The following ERCC4 variants were observed in gnomAD, a reference collection of about 807,000 sequenced individuals.
The protein encoded by ERCC4 is ERCC excision repair 4, endonuclease catalytic subunit, also known as DNA repair endonuclease XPF.
In ERCC4, 65 loss-of-function variants were observed where a neutral mutation model predicts 76.9. The observed-to-expected ratio is 0.84, with a 90% CI of 0.69 to 1.04. ERCC4 has a LOEUF of 1.04. Ranked by LOEUF, ERCC4 falls within the 50% of genes least tolerant of loss-of-function variation. The probability of loss-of-function intolerance (pLI) is 0.00; values close to 1 mark genes in which losing one functional copy is unlikely to be tolerated. For missense variants in ERCC4, 1,214 were observed against 1,128.2 expected (o/e 1.08, Z -1.09); for synonymous variants, 463 against 410.1 (o/e 1.13, Z -1.56).
chr16:13,922,120 A>G lies in ERCC4; in HGVS notation c.297A>G (p.Glu99=), dbSNP rs1460831993. 2 of 1,613,762 alleles carry G rather than the reference A, an allele frequency of 1.2e-6. No homozygotes were observed. The part of the protein sequence containing the change: ...TNEITSNSRY[E]VYTQGGVIFA... ...AAATCACAAGCAACAGTCGCTATGA[A>G]GTTTACACACAAGGTGGTGTTATAT... The change falls in exon 2 of 11, where the codon GAA becomes GAG. Residue 99 remains glutamate, a synonymous_variant. Transcript: ENST00000311895.
In ERCC4 at chr16:13,927,926, G is replaced by A. The variant is rs548457048; in HGVS notation, c.585-102G>A. On this transcript the variant is annotated intron_variant, in intron 3 of 10. Transcript: ENST00000311895. ...TCATTTGTTTGTTGTTTTGCTTTTC[G>A]TGTTGTTTGTAGCATTTATAAAAAT... The A allele has an allele frequency of 2.2e-4, 180 of 801,396 alleles. 1 individual carries two copies. The highest frequency in any genetic ancestry group is 1.0e-4 in the Non-Finnish European group (48 of 471,010). The allele number at this position is 801,396 out of a possible 1,614,324, so 49.6% of individuals were successfully genotyped here.
chr16:13,948,541 C>A lies in ERCC4; in HGVS notation c.*194C>A. The stretch of plus-strand genomic sequence containing the variant: ...CATCACTTGAACTTGCCTGTGCCTG[C>A]TCTTTTTCCTCCCTGCACCGTCTAT... On this transcript the variant is annotated 3_prime_UTR_variant, in exon 11 of 11. Coordinates refer to ENST00000311895, the MANE Select transcript of ERCC4 (RefSeq NM_005236.3). 1 of 636,150 alleles carries A rather than the reference C, an allele frequency of 1.6e-6. No individual in the cohort carries two copies. The highest frequency in any genetic ancestry group is 2.8e-5 in the Admixed American group (1 of 36,142). 39.4% of individuals were successfully genotyped at this position (636,150 alleles called of 1,614,324 possible).
Position 13,950,938 on chromosome 16 carries a change from C to G in ERCC4, c.*2591C>G, listed in dbSNP as rs2032618704. On this transcript the variant is annotated 3_prime_UTR_variant, in exon 11 of 11. Transcript: ENST00000311895. ...CCAGTGCCCCCCTGGCTCTCCAAATCTGTTCTTTGCTCTTGTATCTGCTGG... is the reference window on the plus strand; with the variant it reads ...CCAGTGCCCCCCTGGCTCTCCAAATGTGTTCTTTGCTCTTGTATCTGCTGG... 5.1e-6 allele frequency: 1 copy of G among 195,440 alleles called. No homozygotes were observed. The highest frequency in any genetic ancestry group is 1.1e-5 in the Non-Finnish European group (1 of 94,050). The allele number at this position is 195,440 out of a possible 1,614,324, so 12.1% of individuals were successfully genotyped here.
At chr16:13,937,975 C>T in intron 9 of ERCC4, 117 bp downstream of exon 9, 1 of 726,238 alleles carries the variant, frequency 1.4e-6, no homozygotes, top group Non-Finnish European at 2.5e-6. Flanking sequence ...GAGAGGATCA[C>T]ATTGAGATAA....
At chr16:13,922,364 C>T (rs912317139) in intron 2 of ERCC4, 153 bp downstream of exon 2, 4 of 760,992 alleles carry the variant, frequency 5.3e-6, no homozygotes, top group Admixed American at 3.5e-5. Flanking sequence ...CGTGGGGCAG[C>T]ACCCACAGGT....
intron 2 of ERCC4, among the ~76,000 whole-genome samples, chr16:13,924,404 A>G (rs759562944): frequency 2.0e-5 from 3 of 152,186 alleles, no homozygotes; most frequent in Non-Finnish European, 4.4e-5. Context: ...AGAACTAAGA[A>G]CACACTTTCT....
rs762697491 is a variant in ERCC4, at chr16:13,935,389, A to G, written c.1457A>G (p.Lys486Arg). Residue 486 changes from lysine (K) to arginine (R), a missense_variant, in exon 8 of 11, where the codon AAA becomes AGA. Coordinates refer to ENST00000311895, the MANE Select transcript of ERCC4 (RefSeq NM_005236.3). ...ERASTKERTL[K>R]KKKRKLTLTQ... Reference sequence around the variant, plus strand: ...GCTTCTACCAAAGAAAGAACCCTCAAAAAGAAAAAACGGAAGTTGACCTTA... The same window carrying G: ...GCTTCTACCAAAGAAAGAACCCTCAGAAAGAAAAAACGGAAGTTGACCTTA... 1.2e-6 allele frequency: 2 copies of G among 1,608,306 alleles called. No homozygotes were observed. Among genetic ancestry groups the G allele is most frequent in the East Asian group, 2.2e-5 (1 of 44,880 alleles).
chr16:13,941,046 G>T (rs2032403541), intron 9 of ERCC4, among the ~76,000 whole-genome samples: 1 of 152,198 alleles, frequency 6.6e-6, no homozygotes, highest in African/African-American at 2.4e-5. Flanking sequence ...TTAGTAGATA[G>T]TAGTAAGGTA....
chr16:13,922,265 A>G, intron 2 of ERCC4, 54 bp downstream of exon 2: 3 of 1,136,506 alleles, frequency 2.6e-6, no homozygotes, highest in Non-Finnish European at 3.9e-6. Context: ...TTTTTTTTTT[A>G]AGTACAATTT....
At position 13,948,560 on chromosome 16, in the gene ERCC4, C is replaced by CGTCTAT; in HGVS notation, c.*215_*220dup. ...TGCCTGCTCTTTTTCCTCCCTGCACCGTCTATGCCGGGCTTAGCATGTTTC... is the reference window on the plus strand; with the variant it reads ...TGCCTGCTCTTTTTCCTCCCTGCACCGTCTATGTCTATGCCGGGCTTAGCATGTTTC... On this transcript the variant is annotated 3_prime_UTR_variant, in exon 11 of 11. Coordinates refer to ENST00000311895, the MANE Select transcript of ERCC4 (RefSeq NM_005236.3). 2 of 588,264 alleles carry CGTCTAT rather than the reference C, an allele frequency of 3.4e-6. No individual in the cohort carries two copies. The highest frequency in any genetic ancestry group is 6.0e-6 in the Non-Finnish European group (2 of 332,594). 36.4% of individuals were successfully genotyped at this position (588,264 alleles called of 1,614,324 possible).
chr16:13,921,793 A>T (rs988625744), intron 1 of ERCC4, among the ~76,000 whole-genome samples: 1 of 152,156 alleles, frequency 6.6e-6, no homozygotes, highest in East Asian at 1.9e-4. Context: ...ATGTTATTGT[A>T]GTTGAGTGCT....
At chr16:13,937,008 C>G (rs1024061684) in intron 8 of ERCC4, among the ~76,000 whole-genome samples, 1 of 151,596 alleles carries the variant, frequency 6.6e-6, no homozygotes, top group African/African-American at 2.4e-5. Flanking sequence ...ACACCTCCCC[C>G]TTTCCCTGAC....
intron 10 of ERCC4, among the ~76,000 whole-genome samples, chr16:13,946,967 A>G (rs546945977): frequency 9.9e-5 from 15 of 152,162 alleles, no homozygotes; most frequent in African/African-American, 2.9e-4. Context: ...TCACCATGTT[A>G]GCCAGGATGG....
Position 13,952,097 on chromosome 16 carries a change from A to G in ERCC4, c.*3750A>G, listed in dbSNP as rs1391447109. 1.0e-5 allele frequency: 2 copies of G among 194,244 alleles called. No homozygotes were observed. The highest frequency in any genetic ancestry group is 1.6e-4 in the East Asian group (2 of 12,268). The allele number at this position is 194,244 out of a possible 1,614,324, so 12.0% of individuals were successfully genotyped here. On this transcript the variant is annotated 3_prime_UTR_variant, in exon 11 of 11. Coordinates refer to ENST00000311895, the MANE Select transcript of ERCC4 (RefSeq NM_005236.3). ...TTGTTTTTTTAATTTAAAGATGTAT[A>G]AGCCAAAATTTGGATGGGAGTGAGA...
Position 13,951,795 on chromosome 16 carries a change from A to T in ERCC4, c.*3448A>T, listed in dbSNP as rs2032633922. ...TCTTTCCTTTTGTTTTGCAAGCATAATTTGATTTTCCTTTGGCTCAGAAAA... is the reference window on the plus strand; with the variant it reads ...TCTTTCCTTTTGTTTTGCAAGCATATTTTGATTTTCCTTTGGCTCAGAAAA... On this transcript the variant is annotated 3_prime_UTR_variant, in exon 11 of 11. Transcript: ENST00000311895. 4.5e-6 allele frequency: 1 copy of T among 221,962 alleles called. No homozygotes were observed. Among genetic ancestry groups the T allele is most frequent in the Admixed American group, 5.8e-5 (1 of 17,360 alleles). The allele number at this position is 221,962 out of a possible 1,614,324, so 13.7% of individuals were successfully genotyped here.
intron 8 of ERCC4, among the ~76,000 whole-genome samples, chr16:13,937,083 C>T (rs1197502685): frequency 3.8e-5 from 4 of 105,224 alleles, no homozygotes; most frequent in Admixed American, 8.5e-5. Context: ...CCATGCTCAA[C>T]TAATTTTTTT....
chr16:13,944,227 T>G (rs2141616545), intron 9 of ERCC4: 1 of 156,884 alleles, frequency 6.4e-6, no homozygotes, highest in African/African-American at 2.4e-5. Context: ...CTCAGGGTGT[T>G]TAATGGGACC....
At chr16:13,938,080 G>A (rs1051683653) in intron 9 of ERCC4, among the ~76,000 whole-genome samples, 1 of 151,896 alleles carries the variant, frequency 6.6e-6, no homozygotes, top group African/African-American at 2.4e-5. Context: ...GCTTTTCAGT[G>A]GTTTGTTTAA....
chr16:13,947,148 C>T (rs962065698), intron 10 of ERCC4, among the ~76,000 whole-genome samples: 6 of 152,170 alleles, frequency 3.9e-5, no homozygotes, highest in Admixed American at 1.3e-4. Flanking sequence ...ATGTTTTTCC[C>T]AGCTCCTTCC....
Sources: allele counts gnomAD v4.1 joint callset (sites outside exome capture counted in the v4.1 genomes callset), GRCh38; gene constraint gnomAD v4.1.1; transcripts MANE v1.5; gene names NCBI Gene and HGNC (gene_info 2026-07-23, HGNC 2026-07-21).